The following TENM4 variants were observed in gnomAD, a reference collection of about 807,000 sequenced individuals.
The protein encoded by TENM4 is teneurin transmembrane protein 4.
Under a neutral mutation model 243.3 loss-of-function variants are expected in TENM4, and 82 were observed. The observed-to-expected ratio is 0.34, with a 90% CI of 0.28 to 0.40. The LOEUF is 0.40. Ranked by LOEUF, TENM4 falls within the 10% of genes least tolerant of loss-of-function variation. TENM4 has a pLI of 1.00. For synonymous variants in TENM4, 1,412 were observed against 1,456.3 expected, an observed-to-expected ratio of 0.97 and a Z score of 0.69; for missense variants, 3,138 against 3,673.3, an observed-to-expected ratio of 0.85 and a Z score of 3.77.
chr11:79,388,151 G>T (rs750282828), intron 1 of TENM4, among the ~76,000 whole-genome samples: 1 of 152,146 alleles, frequency 6.6e-6, no homozygotes, highest in South Asian at 2.1e-4. Context: ...TTAGAGCCAG[G>T]CCTGGGCCCC....
At chr11:79,228,593 G>A (rs1039219896) in intron 2 of TENM4, among the ~76,000 whole-genome samples, 5 of 151,860 alleles carry the variant, frequency 3.3e-5, no homozygotes, top group African/African-American at 9.7e-5. Flanking sequence ...GAAGCTGAAC[G>A]CATTTGTCAG....
Position 79,066,600 on chromosome 11 carries a change from A to G in TENM4, c.224-1593T>C, listed in dbSNP as rs1221732396. ...CACACACACATGCACACAAGCACAC[A>G]CGCGCGTGCACACACACGTGCGCAC... is the stretch of plus-strand genomic sequence containing the variant. On this transcript the variant is annotated intron_variant, in intron 5 of 33. Coordinates refer to ENST00000278550, the MANE Select transcript of TENM4 (RefSeq NM_001098816.3). Among the ~76,000 whole-genome samples the G allele has an allele frequency of 3.3e-5, 5 of 152,066 alleles. No individual in the cohort carries two copies. In the East Asian group the frequency reaches 7.7e-4, roughly 23 times the overall value.
At chr11:78,961,151 T>G (rs1401335916) in intron 6 of TENM4, among the ~76,000 whole-genome samples, 2 of 152,246 alleles carry the variant, frequency 1.3e-5, no homozygotes, top group Non-Finnish European at 2.9e-5. Context: ...GCCTGGAATT[T>G]AGTACCACAC....
intron 4 of TENM4, among the ~76,000 whole-genome samples, chr11:79,129,814 A>G (rs1206660978): frequency 1.3e-5 from 2 of 152,256 alleles, no homozygotes; most frequent in African/African-American, 2.4e-5. Context: ...TGGTAGTGGA[A>G]GACAAAGAGC....
intron 19 of TENM4, among the ~76,000 whole-genome samples, chr11:78,740,080 C>A (rs1855886386): frequency 6.6e-6 from 1 of 152,212 alleles, no homozygotes; most frequent in Non-Finnish European, 1.5e-5. Flanking sequence ...TGCTGCGCAC[C>A]ACATAACCTT....
At chr11:79,391,426 C>T (rs1169704624) in intron 1 of TENM4, among the ~76,000 whole-genome samples, 1 of 152,090 alleles carries the variant, frequency 6.6e-6, no homozygotes, top group East Asian at 1.9e-4. Flanking sequence ...CCCTAGGGTA[C>T]CTGAGGTCCA....
chr11:79,237,489 C>A (rs1864498673), intron 2 of TENM4, among the ~76,000 whole-genome samples: 1 of 152,128 alleles, frequency 6.6e-6, no homozygotes, highest in Admixed American at 6.5e-5. Flanking sequence ...CCAGCCTGGC[C>A]AACATGGTAA....
At chr11:79,257,433 G>T (rs1257280765) in intron 2 of TENM4, among the ~76,000 whole-genome samples, 1 of 152,104 alleles carries the variant, frequency 6.6e-6, no homozygotes, top group East Asian at 1.9e-4. Flanking sequence ...GCTCACCAAG[G>T]CTGTGGTGCA....
chr11:79,112,642 G>A lies in TENM4; in HGVS notation c.-66+36068C>T, dbSNP rs766796574. On this transcript the variant is annotated intron_variant, in intron 4 of 33. Transcript: ENST00000278550. ...AGCTCTGGCTTCAGTGACTTCCCAAGTCCTTTACAGCACGAACACACCCAT... is the reference window on the plus strand; with the variant it reads ...AGCTCTGGCTTCAGTGACTTCCCAAATCCTTTACAGCACGAACACACCCAT... Among the ~76,000 whole-genome samples, 28 of 152,242 alleles carry A rather than the reference G, an allele frequency of 1.8e-4. 1 individual carries two copies. The Middle Eastern group carries it at 0.017, about 92-fold the overall frequency.
chr11:79,426,365 C>T (rs1859049919), intron 1 of TENM4, among the ~76,000 whole-genome samples: 1 of 152,162 alleles, frequency 6.6e-6, no homozygotes, highest in South Asian at 2.1e-4. Context: ...CCCTGGCTCC[C>T]TGACTCACTG....
chr11:79,345,410 G>A (rs936237868), intron 1 of TENM4, among the ~76,000 whole-genome samples: 9 of 152,098 alleles, frequency 5.9e-5, no homozygotes, highest in Non-Finnish European at 1.3e-4. Context: ...TAAATTCCAT[G>A]TTATTTGATT....
chr11:79,074,518 A>G lies in TENM4; in HGVS notation c.-65-4509T>C, dbSNP rs1040036152. On this transcript the variant is annotated intron_variant, in intron 4 of 33. Transcript: ENST00000278550. The stretch of plus-strand genomic sequence containing the variant: ...CATAAAACCCATGAGCGTGACATCC[A>G]AGGCTTCTGGAGATCTGAACTTTCC... Among the ~76,000 whole-genome samples the G allele has an allele frequency of 2.6e-5, 4 of 152,208 alleles. No homozygotes were observed. In the Middle Eastern group the frequency reaches 9.5e-3, roughly 361 times the overall value.
At chr11:78,757,944 C>T (rs1366464607) in intron 18 of TENM4, among the ~76,000 whole-genome samples, 2 of 152,202 alleles carry the variant, frequency 1.3e-5, no homozygotes, top group Admixed American at 1.3e-4. Context: ...TGTATTACAG[C>T]TCTACTATCT....
At chr11:79,306,774 C>T (rs1856632440) in intron 1 of TENM4, among the ~76,000 whole-genome samples, 1 of 152,110 alleles carries the variant, frequency 6.6e-6, no homozygotes, top group Admixed American at 6.5e-5. Flanking sequence ...GATTATGTGG[C>T]CTACCTGAGG....
At chr11:78,868,281 TTCC>T (rs1475077085) in intron 9 of TENM4, among the ~76,000 whole-genome samples, 5 of 152,172 alleles carry the variant, frequency 3.3e-5, no homozygotes, top group African/African-American at 1.2e-4. Context: ...GTGCAAAACC[TTCC>T]TCAAGTACAC....
chr11:78,877,890 C>T (rs2136259548), intron 9 of TENM4, among the ~76,000 whole-genome samples: 1 of 152,330 alleles, frequency 6.6e-6, no homozygotes, highest in South Asian at 2.1e-4. Context: ...TTCATCTCCA[C>T]AGCAGCCTCT....
intron 6 of TENM4, among the ~76,000 whole-genome samples, chr11:78,925,141 T>C (rs1026178833): frequency 6.6e-6 from 1 of 152,216 alleles, no homozygotes; most frequent in South Asian, 2.1e-4. Flanking sequence ...CATTTCCAGC[T>C]TTTTCCCCTT....
intron 1 of TENM4, among the ~76,000 whole-genome samples, chr11:79,425,426 A>G (rs904786332): frequency 6.6e-6 from 1 of 152,132 alleles, no homozygotes. Context: ...CATCCCTAGC[A>G]CATCTCAGTG....
At chr11:78,823,898 G>C (rs1334490221) in intron 12 of TENM4, among the ~76,000 whole-genome samples, 1 of 152,112 alleles carries the variant, frequency 6.6e-6, no homozygotes, top group Non-Finnish European at 1.5e-5. Context: ...AGAACTTTTT[G>C]TTTTTCAAGT....
Sources: allele counts gnomAD v4.1 joint callset (sites outside exome capture counted in the v4.1 genomes callset), GRCh38; gene constraint gnomAD v4.1.1; transcripts MANE v1.5; gene names NCBI Gene and HGNC (gene_info 2026-07-23, HGNC 2026-07-21).